The following HPSE2 variants were observed in gnomAD, a reference collection of about 807,000 sequenced individuals.
HPSE2 encodes heparanase 2 (inactive).
A neutral mutation model predicts 60.5 loss-of-function variants in HPSE2; 38 were observed. That is an observed-to-expected ratio of 0.63 (90% CI 0.48 to 0.82). The LOEUF is 0.82. Ranked by LOEUF, HPSE2 falls within the 40% of genes least tolerant of loss-of-function variation. The probability of loss-of-function intolerance (pLI) is 0.00; values close to 1 mark genes in which losing one functional copy is unlikely to be tolerated. For missense variants in HPSE2, 713 were observed against 740.4 expected, an observed-to-expected ratio of 0.96 and a Z score of 0.43; for synonymous variants, 295 against 293.2, an observed-to-expected ratio of 1.01 and a Z score of -0.06.
intron 3 of HPSE2, among the ~76,000 whole-genome samples, chr10:98,998,743 C>T (rs562665246): frequency 6.6e-6 from 1 of 152,220 alleles, no homozygotes; most frequent in South Asian, 2.1e-4. Context: ...TTTAAAAAGC[C>T]AGGTAAAGAA....
intron 11 of HPSE2, among the ~76,000 whole-genome samples, chr10:98,467,015 C>A (rs149670454): frequency 1.4e-3 from 208 of 152,310 alleles, no homozygotes; most frequent in African/African-American, 4.8e-3. Context: ...TCTTTACGGC[C>A]ATTTATCTAA....
At chr10:98,916,935 G>A (rs1232445990) in intron 3 of HPSE2, among the ~76,000 whole-genome samples, 1 of 152,140 alleles carries the variant, frequency 6.6e-6, no homozygotes, top group Non-Finnish European at 1.5e-5. Flanking sequence ...TGTTTACCAT[G>A]CCTCCTACTG....
chr10:98,899,909 G>C (rs1259817474), intron 3 of HPSE2, among the ~76,000 whole-genome samples: 1 of 151,884 alleles, frequency 6.6e-6, no homozygotes, highest in Non-Finnish European at 1.5e-5. Context: ...TCAGCTTCCC[G>C]AGTAGCTGGG....
At chr10:98,813,024 T>C (rs1266165) in intron 3 of HPSE2, among the ~76,000 whole-genome samples, 8,369 of 152,174 alleles carry the variant, frequency 0.055, 737 homozygotes, top group African/African-American at 0.19. Flanking sequence ...TGGATAAGGC[T>C]GAACTCTTGA....
At position 99,106,409 on chromosome 10, in the gene HPSE2, G is replaced by GT. The variant is rs752290332; in HGVS notation, c.610+37828dup. Among the ~76,000 whole-genome samples the GT allele has an allele frequency of 2.6e-5, 4 of 151,996 alleles. No individual in the cohort carries two copies. In the East Asian group the frequency reaches 7.7e-4, roughly 29 times the overall value. ...TTATAAATGTTGGGTTTTATCAAAT[G>GT]TTTTTTCTGCATCTTTGAGATGATG... On this transcript the variant is annotated intron_variant, in intron 3 of 11. Coordinates refer to ENST00000370552, the MANE Select transcript of HPSE2 (RefSeq NM_021828.5).
At chr10:98,897,597 G>T (rs367943338) in intron 3 of HPSE2, among the ~76,000 whole-genome samples, 12 of 152,058 alleles carry the variant, frequency 7.9e-5, no homozygotes, top group African/African-American at 2.7e-4. Context: ...GGCAATTCAA[G>T]GGAGAAAGGA....
intron 9 of HPSE2, among the ~76,000 whole-genome samples, chr10:98,496,753 C>T (rs1398930295): frequency 6.6e-6 from 1 of 152,200 alleles, no homozygotes; most frequent in Non-Finnish European, 1.5e-5. Flanking sequence ...GCTTCCTATT[C>T]TACCATCTTT....
chr10:98,857,640 G>A (rs1217657459), intron 3 of HPSE2, among the ~76,000 whole-genome samples: 2 of 152,144 alleles, frequency 1.3e-5, no homozygotes, highest in East Asian at 3.9e-4. Context: ...CAATGGAGTT[G>A]TGTCTTCTAA....
intron 6 of HPSE2, among the ~76,000 whole-genome samples, chr10:98,677,734 T>G (rs1947681217): frequency 6.6e-6 from 1 of 152,208 alleles, no homozygotes; most frequent in East Asian, 1.9e-4. Context: ...AAGAGATAGA[T>G]AATCTATGCT....
chr10:99,105,189 A>G (rs1420004991), intron 3 of HPSE2, among the ~76,000 whole-genome samples: 1 of 151,856 alleles, frequency 6.6e-6, no homozygotes, highest in African/African-American at 2.4e-5. Context: ...ACTAAACCCT[A>G]TTTAGATTTC....
chr10:99,137,089 C>T (rs920555744), intron 3 of HPSE2, among the ~76,000 whole-genome samples: 4 of 152,146 alleles, frequency 2.6e-5, no homozygotes, highest in African/African-American at 7.2e-5. Context: ...CATTCCTATA[C>T]ACCAATAATA....
chr10:98,617,159 T>A (rs1201985092), intron 8 of HPSE2, among the ~76,000 whole-genome samples: 1 of 152,202 alleles, frequency 6.6e-6, no homozygotes, highest in African/African-American at 2.4e-5. Flanking sequence ...TCTAGCAGCA[T>A]CTTCATGTCA....
chr10:98,757,853 A>G (rs1384079203), intron 3 of HPSE2, among the ~76,000 whole-genome samples: 7 of 152,186 alleles, frequency 4.6e-5, no homozygotes, highest in East Asian at 3.8e-4. Flanking sequence ...TAAAATTCAT[A>G]TGGAACAAGA....
intron 9 of HPSE2, among the ~76,000 whole-genome samples, chr10:98,539,445 C>T (rs767408151): frequency 6.6e-6 from 1 of 152,196 alleles, no homozygotes; most frequent in East Asian, 1.9e-4. Context: ...AGCTTGAACC[C>T]GGGAGGCGGA....
At chr10:99,205,560 C>T (rs972321351) in intron 2 of HPSE2, among the ~76,000 whole-genome samples, 2 of 151,990 alleles carry the variant, frequency 1.3e-5, no homozygotes, top group African/African-American at 2.4e-5. Flanking sequence ...CCTGCCTGGG[C>T]AACAGAGTGA....
intron 3 of HPSE2, among the ~76,000 whole-genome samples, chr10:98,810,764 AAAAAAT>A (rs371679624): frequency 9.2e-5 from 14 of 151,894 alleles, no homozygotes; most frequent in African/African-American, 3.4e-4. Flanking sequence ...AACTAAAAAA[AAAAAAT>A]AAAAATAAAA....
At chr10:99,143,103 T>C (rs1304946953) in intron 3 of HPSE2, among the ~76,000 whole-genome samples, 2 of 152,174 alleles carry the variant, frequency 1.3e-5, no homozygotes. Flanking sequence ...GCATTGGCCA[T>C]AAATCACTTT....
At chr10:98,545,393 C>T (rs1238648463) in intron 9 of HPSE2, among the ~76,000 whole-genome samples, 4 of 152,174 alleles carry the variant, frequency 2.6e-5, no homozygotes, top group Admixed American at 1.3e-4. Context: ...AATATTGATG[C>T]AAAAATCCTC....
chr10:98,767,628 T>C (rs1950150170), intron 3 of HPSE2, among the ~76,000 whole-genome samples: 1 of 146,656 alleles, frequency 6.8e-6, no homozygotes, highest in Admixed American at 6.9e-5. Flanking sequence ...TATGTTAATA[T>C]GTAATATTTA....
Sources: allele counts gnomAD v4.1 joint callset (sites outside exome capture counted in the v4.1 genomes callset), GRCh38; gene constraint gnomAD v4.1.1; transcripts MANE v1.5; gene names NCBI Gene and HGNC (gene_info 2026-07-23, HGNC 2026-07-21).